Variants in FHIT observed in about 807,000 individuals in gnomAD.
The protein encoded by FHIT is fragile histidine triad diadenosine triphosphatase, also known as bis(5'-adenosyl)-triphosphatase.
In FHIT, 19 loss-of-function variants were observed where a neutral mutation model predicts 17.9. The observed-to-expected ratio is 1.06, with a 90% CI of 0.74 to 1.56. The LOEUF is 1.56. Ranked by LOEUF, FHIT falls within the 40% of genes most tolerant of loss-of-function variation. The pLI is 0.00. For missense variants in FHIT, 248 were observed against 189.2 expected, an observed-to-expected ratio of 1.31 and a Z score of -1.82; for synonymous variants, 81 against 69.7, an observed-to-expected ratio of 1.16 and a Z score of -0.81.
intron 3 of FHIT, among the ~76,000 whole-genome samples, chr3:60,919,285 G>A (rs56224701): frequency 0.034 from 5,201 of 151,992 alleles, 295 homozygotes; most frequent in African/African-American, 0.12. Flanking sequence ...CAAGAAATAT[G>A]GCAATCTTCA....
intron 8 of FHIT, among the ~76,000 whole-genome samples, chr3:59,898,852 A>G (rs1314169788): frequency 6.6e-6 from 1 of 152,206 alleles, no homozygotes; most frequent in African/African-American, 2.4e-5. Flanking sequence ...GGTAGTATTT[A>G]TTGAACATGA....
chr3:60,328,102 G>A (rs1183770833), intron 5 of FHIT, among the ~76,000 whole-genome samples: 3 of 152,152 alleles, frequency 2.0e-5, no homozygotes, highest in Admixed American at 6.5e-5. Flanking sequence ...TTTCAGCCTA[G>A]CCACCATGCT....
At chr3:60,256,595 G>A (rs1250578498) in intron 5 of FHIT, among the ~76,000 whole-genome samples, 1 of 152,178 alleles carries the variant, frequency 6.6e-6, no homozygotes, top group Non-Finnish European at 1.5e-5. Context: ...CTAGGCAGAA[G>A]CCAAATCCAA....
At chr3:60,655,560 C>T (rs1229643301) in intron 4 of FHIT, among the ~76,000 whole-genome samples, 1 of 152,132 alleles carries the variant, frequency 6.6e-6, no homozygotes, top group Non-Finnish European at 1.5e-5. Context: ...TTCATTAGGG[C>T]TTAATGACAG....
At chr3:60,001,302 A>G (rs1207945047) in intron 7 of FHIT, among the ~76,000 whole-genome samples, 15 of 152,180 alleles carry the variant, frequency 9.9e-5, no homozygotes, top group Admixed American at 8.5e-4. Flanking sequence ...AATATTAACT[A>G]TAGAATTTCT....
At chr3:60,964,292 T>A (rs1350291006) in intron 3 of FHIT, among the ~76,000 whole-genome samples, 2 of 152,122 alleles carry the variant, frequency 1.3e-5, no homozygotes, top group Non-Finnish European at 2.9e-5. Context: ...TTGGTAGATC[T>A]TCCTCCATCC....
At chr3:60,455,700 A>C (rs951239047) in intron 5 of FHIT, among the ~76,000 whole-genome samples, 1 of 152,092 alleles carries the variant, frequency 6.6e-6, no homozygotes, top group Admixed American at 6.6e-5. Flanking sequence ...AAAATAACTA[A>C]AACAAATGAG....
intron 5 of FHIT, among the ~76,000 whole-genome samples, chr3:60,146,003 A>G (rs1391027528): frequency 6.6e-6 from 1 of 152,150 alleles, no homozygotes; most frequent in African/African-American, 2.4e-5. Flanking sequence ...CTTTGTCATC[A>G]AAAGCTGTAT....
At chr3:60,349,518 C>T (rs1325737334) in intron 5 of FHIT, among the ~76,000 whole-genome samples, 2 of 152,120 alleles carry the variant, frequency 1.3e-5, no homozygotes, top group Admixed American at 6.6e-5. Flanking sequence ...AAGGAGTTTA[C>T]TCTCTATTTT....
chr3:59,752,583 C>A (rs1700977955), intron 8 of FHIT, among the ~76,000 whole-genome samples: 1 of 152,112 alleles, frequency 6.6e-6, no homozygotes, highest in Admixed American at 6.5e-5. Context: ...TGTCCTTGCC[C>A]ATATCTCATG....
intron 4 of FHIT, among the ~76,000 whole-genome samples, chr3:60,735,334 C>T (rs2042113534): frequency 6.6e-6 from 1 of 152,220 alleles, no homozygotes; most frequent in African/African-American, 2.4e-5. Context: ...GAATCCCCTT[C>T]TCCAGTTCTG....
intron 5 of FHIT, among the ~76,000 whole-genome samples, chr3:60,160,968 G>A (rs1292026927): frequency 6.6e-6 from 1 of 151,856 alleles, no homozygotes; most frequent in Non-Finnish European, 1.5e-5. Context: ...AAAAAAAGAC[G>A]ATTATGCAAT....
chr3:60,594,246 G>A lies in FHIT; in HGVS notation c.-17-57267C>T, dbSNP rs145767761. Among the ~76,000 whole-genome samples, 1,125 of 150,768 alleles carry A rather than the reference G, an allele frequency of 7.5e-3. 40 individuals carry two copies. The South Asian group carries it at 0.11, about 15-fold the overall frequency. ...GTTGTAACTCAAATCTGGCCAGGCC[G>A]CAAGTCAAAGCATGTCCTAAGAAAT... On this transcript the variant is annotated intron_variant, in intron 4 of 9. Coordinates refer to ENST00000492590, the MANE Select transcript of FHIT (RefSeq NM_002012.4).
chr3:60,174,201 T>A (rs1418658848), intron 5 of FHIT, among the ~76,000 whole-genome samples: 1 of 151,698 alleles, frequency 6.6e-6, no homozygotes, highest in Non-Finnish European at 1.5e-5. Context: ...TGAGCCACCG[T>A]GCCTGGCCTG....
At chr3:60,345,440 TAGG>T (rs1446753515) in intron 5 of FHIT, among the ~76,000 whole-genome samples, 3 of 152,202 alleles carry the variant, frequency 2.0e-5, no homozygotes, top group African/African-American at 7.2e-5. Context: ...ACTGTTCAAC[TAGG>T]AGGAGAACTA....
intron 5 of FHIT, among the ~76,000 whole-genome samples, chr3:60,142,267 C>T (rs143399771): frequency 6.6e-6 from 1 of 152,074 alleles, no homozygotes; most frequent in Non-Finnish European, 1.5e-5. Context: ...AATGCCAGCA[C>T]GTAGCTCATA....
chr3:60,961,543 T>C (rs1709443170), intron 3 of FHIT, among the ~76,000 whole-genome samples: 1 of 152,220 alleles, frequency 6.6e-6, no homozygotes, highest in South Asian at 2.1e-4. Flanking sequence ...GGTTTTCTTC[T>C]AGGGTTTTAT....
chr3:61,229,951 C>T (rs1164924936), intron 1 of FHIT, among the ~76,000 whole-genome samples: 2 of 152,084 alleles, frequency 1.3e-5, no homozygotes, highest in Non-Finnish European at 2.9e-5. Flanking sequence ...ACCATTTCTC[C>T]TTGGTGCATC....
chr3:60,930,302 A>G (rs1707879351), intron 3 of FHIT, among the ~76,000 whole-genome samples: 1 of 152,212 alleles, frequency 6.6e-6, no homozygotes, highest in South Asian at 2.1e-4. Context: ...GGACATAGGC[A>G]TGGGCAAGGA....
Sources: gnomAD v4.1 joint callset for allele counts (sites outside exome capture counted in the v4.1 genomes callset) on GRCh38, gnomAD v4.1.1 for gene constraint, MANE v1.5 for transcripts, NCBI Gene and HGNC (gene_info 2026-07-23, HGNC 2026-07-21) for gene names.